CFAP54: variants seen among roughly 807,000 people sequenced by gnomAD.
The protein encoded by CFAP54 is cilia- and flagella-associated protein 54.
Under a neutral mutation model 370.4 loss-of-function variants are expected in CFAP54, and 290 were observed. The ratio of observed to expected loss-of-function variants is 0.78; its 90% CI spans 0.71 to 0.86. CFAP54 has a LOEUF of 0.86. Ranked by LOEUF, CFAP54 falls within the 40% of genes least tolerant of loss-of-function variation. The pLI is 0.00. For missense variants in CFAP54, 3,399 were observed against 3,528.7 expected (o/e 0.96, Z 0.93); for synonymous variants, 1,206 against 1,236.5 (o/e 0.98, Z 0.52).
chr12:96,619,323 G>T (rs995935285), intron 26 of CFAP54, among the ~76,000 whole-genome samples: 1 of 152,168 alleles, frequency 6.6e-6, no homozygotes. Flanking sequence ...CTGAATCCCA[G>T]ATTTCAGGTG....
At chr12:96,728,172 G>A (rs1459955623) in intron 50 of CFAP54, among the ~76,000 whole-genome samples, 2 of 151,914 alleles carry the variant, frequency 1.3e-5, no homozygotes, top group African/African-American at 4.8e-5. Flanking sequence ...TGCTCTTCTC[G>A]AGGAGTATCT....
intron 2 of CFAP54, 100 bp downstream of exon 2, chr12:96,501,039 T>A: frequency 3.1e-6 from 2 of 636,200 alleles, no homozygotes; most frequent in Non-Finnish European, 4.9e-6. Flanking sequence ...TGTTTTGATT[T>A]TTCTCTTAGA....
intron 55 of CFAP54, among the ~76,000 whole-genome samples, chr12:96,752,995 A>G (rs1014169873): frequency 6.6e-6 from 1 of 152,218 alleles, no homozygotes; most frequent in Non-Finnish European, 1.5e-5. Context: ...CGGGGATCAT[A>G]TGAGTAATGC....
intron 64 of CFAP54, among the ~76,000 whole-genome samples, chr12:96,815,349 T>C (rs991290024): frequency 6.6e-6 from 1 of 152,230 alleles, no homozygotes; most frequent in African/African-American, 2.4e-5. Context: ...TGCCTAAATG[T>C]CTTTTTTTGA....
chr12:96,746,871 A>G (rs1958119958), intron 55 of CFAP54, among the ~76,000 whole-genome samples: 3 of 152,300 alleles, frequency 2.0e-5, no homozygotes, highest in South Asian at 4.1e-4. Flanking sequence ...GCTCCCACAC[A>G]TGCAAATACA....
At chr12:96,606,320 G>C (rs1398201307) in intron 26 of CFAP54, among the ~76,000 whole-genome samples, 1 of 152,170 alleles carries the variant, frequency 6.6e-6, no homozygotes, top group Non-Finnish European at 1.5e-5. Context: ...GGTTTCAGCA[G>C]GGCAGACCAT....
At chr12:96,703,823 C>G (rs1434628218) in intron 46 of CFAP54, among the ~76,000 whole-genome samples, 1 of 152,056 alleles carries the variant, frequency 6.6e-6, no homozygotes, top group Non-Finnish European at 1.5e-5. Flanking sequence ...TTGAGCCAGA[C>G]TCTTTCAATT....
chr12:96,586,249 A>G (rs1956075289), intron 22 of CFAP54, among the ~76,000 whole-genome samples: 1 of 152,146 alleles, frequency 6.6e-6, no homozygotes, highest in Admixed American at 6.5e-5. Context: ...ATTTCTAACA[A>G]GTTCCTGGGT....
At chr12:96,835,653 C>T (rs1565997309) in intron 66 of CFAP54, among the ~76,000 whole-genome samples, 1 of 152,140 alleles carries the variant, frequency 6.6e-6, no homozygotes, top group African/African-American at 2.4e-5. Context: ...CCCGGGCCCC[C>T]AAGAATGTAG....
intron 66 of CFAP54, among the ~76,000 whole-genome samples, chr12:96,831,569 G>A (rs1959171223): frequency 6.6e-6 from 1 of 152,208 alleles, no homozygotes; most frequent in South Asian, 2.1e-4. Flanking sequence ...CCCTGTGACA[G>A]AGAGTGACAG....
intron 50 of CFAP54, among the ~76,000 whole-genome samples, chr12:96,739,534 G>A (rs1443015183): frequency 6.6e-6 from 1 of 152,100 alleles, no homozygotes; most frequent in Non-Finnish European, 1.5e-5. Flanking sequence ...ACCTCAGAAA[G>A]CTGGAGAATC....
chr12:96,667,669 T>A (rs1957097560), intron 39 of CFAP54, among the ~76,000 whole-genome samples: 3 of 152,156 alleles, frequency 2.0e-5, no homozygotes, highest in Non-Finnish European at 4.4e-5. Flanking sequence ...GGCCTTTGGG[T>A]CTGTGATGGG....
intron 65 of CFAP54, among the ~76,000 whole-genome samples, chr12:96,821,823 C>T (rs1412506996): frequency 6.6e-6 from 1 of 151,752 alleles, no homozygotes; most frequent in Non-Finnish European, 1.5e-5. Flanking sequence ...AAGTAGGACA[C>T]TTCTAAAAGA....
chr12:96,805,593 T>C (rs143483024), intron 63 of CFAP54, among the ~76,000 whole-genome samples: 2 of 149,712 alleles, frequency 1.3e-5, no homozygotes, highest in East Asian at 3.9e-4. Flanking sequence ...AAACCAGATA[T>C]TGGCAAGAAT....
intron 67 of CFAP54, among the ~76,000 whole-genome samples, chr12:96,863,579 G>T (rs1208120767): frequency 6.6e-6 from 1 of 152,180 alleles, no homozygotes; most frequent in Non-Finnish European, 1.5e-5. Context: ...TGGGAAATTG[G>T]ATAGTAAAGG....
intron 4 of CFAP54, among the ~76,000 whole-genome samples, chr12:96,509,925 C>T (rs1247213111): frequency 6.6e-6 from 1 of 151,952 alleles, no homozygotes; most frequent in Non-Finnish European, 1.5e-5. Context: ...TGATGGTGGC[C>T]ATTTTTAATG....
intron 1 of CFAP54, among the ~76,000 whole-genome samples, chr12:96,495,488 T>G (rs1276816830): frequency 1.9e-5 from 1 of 52,686 alleles, no homozygotes; most frequent in Non-Finnish European, 3.9e-5. Flanking sequence ...CTAATTTTTG[T>G]TTTTTTTTTT....
chr12:96,820,813 A>G (rs983764979), intron 65 of CFAP54, among the ~76,000 whole-genome samples: 8 of 152,182 alleles, frequency 5.3e-5, no homozygotes, highest in Admixed American at 3.3e-4. Context: ...CTCTATTTTT[A>G]TACTTCTTTT....
chr12:96,780,732 A>G (rs561562137), intron 60 of CFAP54, among the ~76,000 whole-genome samples: 18 of 152,316 alleles, frequency 1.2e-4, no homozygotes, highest in African/African-American at 4.3e-4. Flanking sequence ...AAATCATCAC[A>G]GATAACGAGG....
Sources: allele counts gnomAD v4.1 joint callset (sites outside exome capture counted in the v4.1 genomes callset), GRCh38; gene constraint gnomAD v4.1.1; transcripts MANE v1.5; gene names NCBI Gene and HGNC (gene_info 2026-07-23, HGNC 2026-07-21).